The following B3GALT1 variants were observed in gnomAD, a reference collection of about 807,000 sequenced individuals.
The protein encoded by B3GALT1 is beta-1,3-galactosyltransferase 1, also known as UDP-Gal:betaGlcNAc beta 1,3-galactosyltransferase, polypeptide 1.
Under a neutral mutation model 23.2 loss-of-function variants are expected in B3GALT1, and 10 were observed. The ratio of observed to expected loss-of-function variants is 0.43; its 90% confidence interval spans 0.27 to 0.73. The LOEUF (loss-of-function observed/expected upper bound fraction) is 0.73, where lower values mean the gene tolerates loss of function less well. Ranked by LOEUF, B3GALT1 falls within the 30% of genes least tolerant of loss-of-function variation. The probability of loss-of-function intolerance (pLI) is 0.21; values close to 1 mark genes in which losing one functional copy is unlikely to be tolerated. For synonymous variants in B3GALT1, 156 were observed against 141.5 expected, an observed-to-expected ratio of 1.10 and a Z score of -0.73; for missense variants, 299 against 405.4, an observed-to-expected ratio of 0.74 and a Z score of 2.25.
chr2:167,365,194 T>C (rs1265227068), intron 1 of B3GALT1, among the ~76,000 whole-genome samples: 1 of 152,144 alleles, frequency 6.6e-6, no homozygotes, highest in Non-Finnish European at 1.5e-5. Flanking sequence ...ACTAGAGACT[T>C]GCATTTAGGC....
chr2:167,420,960 G>A (rs1357600), intron 1 of B3GALT1, among the ~76,000 whole-genome samples: 141,400 of 152,250 alleles, frequency 0.93, 66,215 homozygotes, highest in Non-Finnish European at 0.99. Flanking sequence ...TTATACTAAT[G>A]TCACCAGCTA....
intron 3 of B3GALT1, among the ~76,000 whole-genome samples, chr2:167,722,199 C>T (rs1358252783): frequency 1.1e-4 from 16 of 152,192 alleles, no homozygotes; most frequent in Non-Finnish European, 8.8e-5. Flanking sequence ...AGTATAAATG[C>T]ACTGTAATGT....
chr2:167,603,548 C>T (rs1407239183), intron 2 of B3GALT1, among the ~76,000 whole-genome samples: 1 of 152,194 alleles, frequency 6.6e-6, no homozygotes, highest in African/African-American at 2.4e-5. Context: ...TGAGGGGAAC[C>T]TCATTAGGCA....
chr2:167,425,420 GA>G (rs34209016), intron 1 of B3GALT1, among the ~76,000 whole-genome samples: 1 of 151,740 alleles, frequency 6.6e-6, no homozygotes, highest in African/African-American at 2.4e-5. Context: ...CCCAGCAAGG[GA>G]AAAAAAATCA....
At chr2:167,377,399 C>T (rs1000631778) in intron 1 of B3GALT1, among the ~76,000 whole-genome samples, 1 of 152,010 alleles carries the variant, frequency 6.6e-6, no homozygotes, top group Non-Finnish European at 1.5e-5. Context: ...TTTTGTGCCT[C>T]AGTAATCTGT....
intron 1 of B3GALT1, among the ~76,000 whole-genome samples, chr2:167,470,628 C>G (rs1242414832): frequency 6.6e-6 from 1 of 151,896 alleles, no homozygotes; most frequent in East Asian, 1.9e-4. Flanking sequence ...GCCTGGGACT[C>G]ATGGTTATGA....
chr2:167,446,691 G>A (rs1661425309), intron 1 of B3GALT1, among the ~76,000 whole-genome samples: 1 of 152,058 alleles, frequency 6.6e-6, no homozygotes, highest in Non-Finnish European at 1.5e-5. Flanking sequence ...CGTAGTTCTC[G>A]TTCCATGGTT....
At chr2:167,842,818 G>A (rs1422817022) in intron 4 of B3GALT1, among the ~76,000 whole-genome samples, 1 of 152,126 alleles carries the variant, frequency 6.6e-6, no homozygotes, top group East Asian at 1.9e-4. Context: ...AGGTTGCAGT[G>A]AGTAGGATCA....
At chr2:167,825,433 C>G (rs1689196589) in intron 4 of B3GALT1, among the ~76,000 whole-genome samples, 1 of 131,210 alleles carries the variant, frequency 7.6e-6, no homozygotes, top group Non-Finnish European at 1.6e-5. Flanking sequence ...AAGATATATG[C>G]AGGGGTGTGT....
At chr2:167,361,399 CCTT>C (rs1438990235) in intron 1 of B3GALT1, among the ~76,000 whole-genome samples, 1 of 152,046 alleles carries the variant, frequency 6.6e-6, no homozygotes, top group Non-Finnish European at 1.5e-5. Flanking sequence ...AATTATCTCT[CCTT>C]AATTATTACA....
chr2:167,505,766 A>G (rs1349271430), intron 2 of B3GALT1, among the ~76,000 whole-genome samples: 1 of 152,162 alleles, frequency 6.6e-6, no homozygotes, highest in Non-Finnish European at 1.5e-5. Flanking sequence ...GATCTTAAAG[A>G]CACAGATACT....
At chr2:167,788,580 A>G (rs1390489716) in intron 3 of B3GALT1, among the ~76,000 whole-genome samples, 2 of 152,112 alleles carry the variant, frequency 1.3e-5, no homozygotes, top group Non-Finnish European at 2.9e-5. Flanking sequence ...CTGATCTGAC[A>G]GGAGGAGGAG....
At chr2:167,448,149 C>A (rs1453160812) in intron 1 of B3GALT1, among the ~76,000 whole-genome samples, 1 of 152,162 alleles carries the variant, frequency 6.6e-6, no homozygotes, top group African/African-American at 2.4e-5. Flanking sequence ...CATAGTGGGA[C>A]TGCTGGATTA....
chr2:167,602,382 T>C (rs1025605578), intron 2 of B3GALT1, among the ~76,000 whole-genome samples: 2 of 152,190 alleles, frequency 1.3e-5, no homozygotes, highest in Non-Finnish European at 1.5e-5. Context: ...TACCTAGTTG[T>C]GGGCAATTTG....
At chr2:167,381,148 G>C (rs571745414) in intron 1 of B3GALT1, among the ~76,000 whole-genome samples, 1 of 152,142 alleles carries the variant, frequency 6.6e-6, no homozygotes, top group Non-Finnish European at 1.5e-5. Context: ...GCTCACTGCA[G>C]CCTCAACCTC....
At chr2:167,325,226 A>G (rs935545672) in intron 1 of B3GALT1, among the ~76,000 whole-genome samples, 7 of 152,018 alleles carry the variant, frequency 4.6e-5, no homozygotes, top group African/African-American at 1.4e-4. Flanking sequence ...TTGGATAAAT[A>G]TCCAGAGTTG....
intron 1 of B3GALT1, among the ~76,000 whole-genome samples, chr2:167,432,819 A>C (rs1420913255): frequency 6.6e-6 from 1 of 152,204 alleles, no homozygotes; most frequent in Non-Finnish European, 1.5e-5. Context: ...GGAGGTACCC[A>C]GAGTTCCTGC....
intron 1 of B3GALT1, among the ~76,000 whole-genome samples, chr2:167,405,408 C>G (rs1362949551): frequency 6.6e-6 from 1 of 151,996 alleles, no homozygotes; most frequent in Non-Finnish European, 1.5e-5. Flanking sequence ...TTAACTATAA[C>G]AGTGCAATAA....
At chr2:167,438,943 T>C (rs1698833342) in intron 1 of B3GALT1, among the ~76,000 whole-genome samples, 1 of 152,156 alleles carries the variant, frequency 6.6e-6, no homozygotes, top group East Asian at 1.9e-4. Flanking sequence ...CTATAGCGCA[T>C]AGAAAGATAT....
Sources: allele counts gnomAD v4.1 joint callset (sites outside exome capture counted in the v4.1 genomes callset), GRCh38; gene constraint gnomAD v4.1.1; transcripts MANE v1.5; gene names NCBI Gene and HGNC (gene_info 2026-07-23, HGNC 2026-07-21).